The following CNTN5 variants were observed in gnomAD, a reference collection of about 807,000 sequenced individuals.
CNTN5 encodes the protein contactin-5.
CNTN5 carries 77 observed loss-of-function variants against 129.1 expected under a neutral mutation model. That is an observed-to-expected ratio of 0.60 (90% CI 0.50 to 0.72). CNTN5 has a LOEUF of 0.72. CNTN5 is among the 30% of genes least tolerant of loss of function. The pLI, the probability that CNTN5 is intolerant of heterozygous loss-of-function variation, is 0.00. For missense variants in CNTN5, 1,478 were observed against 1,328.8 expected, an observed-to-expected ratio of 1.11 and a Z score of -1.75; for synonymous variants, 509 against 465.6, an observed-to-expected ratio of 1.09 and a Z score of -1.20.
intron 9 of CNTN5, among the ~76,000 whole-genome samples, chr11:100,030,086 C>T (rs1489419617): frequency 6.6e-6 from 1 of 152,028 alleles, no homozygotes; most frequent in Non-Finnish European, 1.5e-5. Context: ...TAGTAAAGAA[C>T]ATGGCTGTAG....
chr11:100,033,487 A>G (rs1941826450), intron 9 of CNTN5, among the ~76,000 whole-genome samples: 1 of 152,024 alleles, frequency 6.6e-6, no homozygotes, highest in Non-Finnish European at 1.5e-5. Flanking sequence ...TGTATTCTTA[A>G]TCCATGATGT....
chr11:99,216,074 C>T (rs556577810), intron 1 of CNTN5, among the ~76,000 whole-genome samples: 17 of 152,184 alleles, frequency 1.1e-4, no homozygotes, highest in African/African-American at 4.1e-4. Flanking sequence ...TTATTGTTAA[C>T]TATAGTCACT....
intron 1 of CNTN5, among the ~76,000 whole-genome samples, chr11:99,061,873 T>A (rs1451644301): frequency 6.6e-6 from 1 of 151,830 alleles, no homozygotes; most frequent in Admixed American, 6.6e-5. Context: ...ACATCTGTAG[T>A]CCTAGATACC....
At chr11:99,125,750 T>C (rs1858593553) in intron 1 of CNTN5, among the ~76,000 whole-genome samples, 1 of 152,174 alleles carries the variant, frequency 6.6e-6, no homozygotes, top group African/African-American at 2.4e-5. Flanking sequence ...ATAAAAAATT[T>C]ACCACTTGCA....
At chr11:99,336,033 T>A (rs2136040302) in intron 2 of CNTN5, among the ~76,000 whole-genome samples, 1 of 150,352 alleles carries the variant, frequency 6.7e-6, no homozygotes, top group African/African-American at 2.4e-5. Context: ...ACCTTATTCT[T>A]GGATAAAAAA....
At chr11:99,905,520 C>A (rs1030296883) in intron 6 of CNTN5, among the ~76,000 whole-genome samples, 1 of 152,116 alleles carries the variant, frequency 6.6e-6, no homozygotes, top group Non-Finnish European at 1.5e-5. Flanking sequence ...GGTACCAGTA[C>A]CATGCTGTTT....
intron 3 of CNTN5, among the ~76,000 whole-genome samples, chr11:99,744,746 G>C (rs1943998989): frequency 6.7e-6 from 1 of 148,850 alleles, no homozygotes; most frequent in Non-Finnish European, 1.5e-5. Context: ...AAAAGTTGGA[G>C]GTGCTTATAA....
chr11:100,082,517 C>A (rs1192792524), intron 13 of CNTN5, among the ~76,000 whole-genome samples: 2 of 152,116 alleles, frequency 1.3e-5, no homozygotes, highest in Non-Finnish European at 2.9e-5. Flanking sequence ...GTCTTGAATT[C>A]ATGGGCTTAA....
intron 1 of CNTN5, among the ~76,000 whole-genome samples, chr11:99,112,124 A>G (rs1433019505): frequency 6.6e-6 from 1 of 152,120 alleles, no homozygotes; most frequent in Non-Finnish European, 1.5e-5. Context: ...CAAAGCCTAC[A>G]ACAAATGTTG....
At chr11:99,049,801 T>A (rs186162799) in intron 1 of CNTN5, 3 of 152,294 alleles carry the variant, frequency 2.0e-5, no homozygotes, top group Non-Finnish European at 2.9e-5. Flanking sequence ...ATCCCTATTG[T>A]CAATTGTCTA....
chr11:99,217,819 A>G (rs2135692700), intron 1 of CNTN5, among the ~76,000 whole-genome samples: 1 of 152,170 alleles, frequency 6.6e-6, no homozygotes, highest in African/African-American at 2.4e-5. Flanking sequence ...CTTATTTGCT[A>G]GATTGCATCC....
chr11:99,919,202 G>A (rs1949871644), intron 7 of CNTN5, among the ~76,000 whole-genome samples: 1 of 152,168 alleles, frequency 6.6e-6, no homozygotes, highest in South Asian at 2.1e-4. Flanking sequence ...TACTTCCAAC[G>A]GTATAGTATA....
At chr11:100,341,058 T>G (rs199604666) in intron 22 of CNTN5, 35 bp from the exon 23 acceptor site, 2 of 1,367,558 alleles carry the variant, frequency 1.5e-6, no homozygotes, top group African/African-American at 2.9e-5. Flanking sequence ...TATTTAAGAA[T>G]CCTTGTCAGT....
intron 13 of CNTN5, among the ~76,000 whole-genome samples, chr11:100,119,140 C>G (rs963953288): frequency 6.6e-6 from 1 of 151,750 alleles, no homozygotes; most frequent in Admixed American, 6.6e-5. Flanking sequence ...AGGCATAGAA[C>G]AGCCACTGAA....
intron 16 of CNTN5, among the ~76,000 whole-genome samples, chr11:100,252,382 AT>A (rs1949981080): frequency 6.6e-6 from 1 of 151,748 alleles, no homozygotes; most frequent in Non-Finnish European, 1.5e-5. Context: ...CATTCTGTTG[AT>A]TATTTCTTTT....
At chr11:100,181,476 G>T (rs1198978620) in intron 13 of CNTN5, among the ~76,000 whole-genome samples, 1 of 151,896 alleles carries the variant, frequency 6.6e-6, no homozygotes, top group African/African-American at 2.4e-5. Flanking sequence ...AAGAATCGGT[G>T]GGTTAGAAAT....
At chr11:99,764,015 C>A (rs1944671602) in intron 3 of CNTN5, among the ~76,000 whole-genome samples, 1 of 150,972 alleles carries the variant, frequency 6.6e-6, no homozygotes, top group Non-Finnish European at 1.5e-5. Context: ...ATTTTTTTTC[C>A]AAAAGAATGA....
chr11:99,699,332 CTT>C (rs1954414966), intron 3 of CNTN5, among the ~76,000 whole-genome samples: 1 of 151,342 alleles, frequency 6.6e-6, no homozygotes, highest in Admixed American at 6.6e-5. Flanking sequence ...ATCTAAAAAA[CTT>C]TTTAAAAAAT....
chr11:99,754,188 T>C (rs985436985), intron 3 of CNTN5, among the ~76,000 whole-genome samples: 4 of 152,178 alleles, frequency 2.6e-5, no homozygotes, highest in Non-Finnish European at 5.9e-5. Context: ...CCATGCTATA[T>C]GACTTGTTAA....
Sources: gnomAD v4.1 joint callset for allele counts (sites outside exome capture counted in the v4.1 genomes callset) on GRCh38, gnomAD v4.1.1 for gene constraint, MANE v1.5 for transcripts, NCBI Gene and HGNC (gene_info 2026-07-23, HGNC 2026-07-21) for gene names.